Variants in SLC44A4 observed in about 807,000 individuals in gnomAD.
SLC44A4 encodes the protein choline transporter-like protein 4.
Under a neutral mutation model 97.0 loss-of-function variants are expected in SLC44A4, and 74 were observed. The observed-to-expected ratio is 0.76, with a 90% confidence interval of 0.63 to 0.93. The LOEUF (loss-of-function observed/expected upper bound fraction) is 0.93, where lower values mean the gene tolerates loss of function less well. Among genes scored for constraint, SLC44A4 ranks in the 40% least tolerant of loss-of-function variants. The pLI is 0.00. For missense variants in SLC44A4, 799 were observed against 902.9 expected (o/e 0.88, Z 1.48); for synonymous variants, 325 against 363.8 (o/e 0.89, Z 1.21).
chr6:31,874,373 T>G lies in SLC44A4; in HGVS notation c.529+87A>C. Reference sequence around the variant, plus strand: ...TTTTGCCACCAACAAGCTATGTGACTTCACTCTCTCTGGGCCTGATTTCTT... The same window carrying G: ...TTTTGCCACCAACAAGCTATGTGACGTCACTCTCTCTGGGCCTGATTTCTT... On this transcript the variant is annotated intron_variant, in intron 7 of 20. Transcript: ENST00000229729. This position sits in a 1 kb window ranked among gnomAD's most constrained non-coding sequence, Gnocchi z 4.8. 1.4e-6 allele frequency: 2 copies of G among 1,475,240 alleles called. No individual in the cohort carries two copies. The highest frequency in any genetic ancestry group is 1.9e-6 in the Non-Finnish European group (2 of 1,061,106). The allele number at this position is 1,475,240 out of a possible 1,614,324, so 91.4% of individuals were successfully genotyped here.
chr6:31,871,287 C>T (rs1471588431), intron 9 of SLC44A4, 27 bp downstream of exon 9: 5 of 1,602,368 alleles, frequency 3.1e-6, no homozygotes, highest in Non-Finnish European at 4.3e-6. Context: ...GGCAAGGACA[C>T]AAGAGGAGGG....
At chr6:31,875,553 C>G (rs1051233532) in intron 4 of SLC44A4, among the ~76,000 whole-genome samples, 1 of 152,240 alleles carries the variant, frequency 6.6e-6, no homozygotes, top group African/African-American at 2.4e-5. Flanking sequence ...CAAGGCCACA[C>G]AACCAAAACT....
In SLC44A4 at chr6:31,876,112, A is replaced by G. The variant is rs1403119151; in HGVS notation, c.107T>C (p.Ile36Thr). 2 of 1,613,958 alleles carry G rather than the reference A, an allele frequency of 1.2e-6. No homozygotes were observed. The highest frequency in any genetic ancestry group is 1.3e-5 in the African/African-American group (1 of 75,044). Residue 36 changes from isoleucine (I) to threonine (T), a missense_variant, in exon 3 of 21, where the codon ATC (isoleucine) becomes ACC (threonine). Ile to Thr is a moderately conservative substitution (Grantham distance 89). This residue lies in a region of SLC44A4 where 409 missense variants were observed against 434.1 expected (regional missense o/e 0.94). Coordinates refer to ENST00000229729, the MANE Select transcript of SLC44A4 (RefSeq NM_025257.3). The surrounding 1 kb of genome is among the most constrained non-coding windows in gnomAD (Gnocchi z 4.8). Reference protein sequence around the residue: ...PIKNRSCTDVICCVLFLLFIL... With the variant: ...PIKNRSCTDVTCCVLFLLFIL... ...GAAGAGCAGGAAGAGGACGCAGCAGATGACATCTGTGCAGCTTCTGAGAGA... is the reference window on the plus strand; with the variant it reads ...GAAGAGCAGGAAGAGGACGCAGCAGGTGACATCTGTGCAGCTTCTGAGAGA...
In SLC44A4 at chr6:31,877,188, G is replaced by C; in HGVS notation, c.41-106C>G. ...CCTACCCAGGCCTCAGGTGTTTGGA[G>C]GGAGATGGGCTAGGGCAGGACTGGC... On this transcript the variant is annotated intron_variant, in intron 1 of 20. Coordinates refer to ENST00000229729, the MANE Select transcript of SLC44A4 (RefSeq NM_025257.3). The surrounding 1 kb of genome is among the most constrained non-coding windows in gnomAD (Gnocchi z 6.5). 8.4e-7 allele frequency: 1 copy of C among 1,193,730 alleles called. No individual in the cohort carries two copies. The highest frequency in any genetic ancestry group is 2.5e-5 in the East Asian group (1 of 39,994). The allele number at this position is 1,193,730 out of a possible 1,614,324, so 73.9% of individuals were successfully genotyped here.
Position 31,865,437 on chromosome 6 carries a change from A to G in SLC44A4, c.1687-49T>C. On this transcript the variant is annotated intron_variant, in intron 16 of 20. Transcript: ENST00000229729. This position sits in a 1 kb window ranked among gnomAD's most constrained non-coding sequence, Gnocchi z 5.2. ...GTTACCAAGGCGAGCTGCCTGGACC[A>G]GGATGGGGGTGTCTAGACCAAAGGG... 6.2e-7 allele frequency: 1 copy of G among 1,612,546 alleles called. No homozygotes were observed. Among genetic ancestry groups the G allele is most frequent in the Non-Finnish European group, 8.5e-7 (1 of 1,178,558 alleles).
At chr6:31,864,631 G>T (rs1424211812) in intron 20 of SLC44A4, 21 bp downstream of exon 20, 4 of 1,610,710 alleles carry the variant, frequency 2.5e-6, no homozygotes, top group African/African-American at 2.7e-5. Context: ...TTGGGGACAG[G>T]TGGCTGGGGG....
chr6:31,864,564 G>T, intron 20 of SLC44A4, 88 bp downstream of exon 20: 1 of 1,253,098 alleles, frequency 8.0e-7, no homozygotes, highest in Non-Finnish European at 1.2e-6. Flanking sequence ...ATTGTTTCTA[G>T]AAGCACCAAA....
chr6:31,878,633 C>T lies in SLC44A4; in HGVS notation c.40+308G>A, dbSNP rs190754036. Among the ~76,000 whole-genome samples the T allele has an allele frequency of 6.6e-6, 1 of 152,204 alleles. No homozygotes were observed. Among genetic ancestry groups the T allele is most frequent in the Admixed American group, 6.5e-5 (1 of 15,284 alleles). ...TCCATCTCGGCTTTGTTTCCTAGGG[C>T]CCTGCCCTTAGGGACCCAGAGTCCA... is the stretch of plus-strand genomic sequence containing the variant. On this transcript the variant is annotated intron_variant, in intron 1 of 20. Transcript: ENST00000229729. The surrounding 1 kb of genome is among the most constrained non-coding windows in gnomAD (Gnocchi z 4.0).
intron 7 of SLC44A4, among the ~76,000 whole-genome samples, chr6:31,873,422 A>G (rs926220415): frequency 2.6e-5 from 4 of 152,084 alleles, no homozygotes; most frequent in Non-Finnish European, 2.9e-5. Context: ...ATCTCAGGTG[A>G]TCTGCCTGCC....
chr6:31,875,095 AG>A, intron 4 of SLC44A4, 67 bp from the exon 5 acceptor site: 3 of 1,301,462 alleles, frequency 2.3e-6, no homozygotes, highest in Non-Finnish European at 3.3e-6. Context: ...AGGGACCACT[AG>A]GGTGGCTTCT....
chr6:31,873,426 G>A lies in SLC44A4; in HGVS notation c.529+1034C>T, dbSNP rs192741093. Among the ~76,000 whole-genome samples the A allele has an allele frequency of 9.5e-3, 1,447 of 152,138 alleles. 12 individuals are homozygous for A. Among genetic ancestry groups the A allele is most frequent in the Non-Finnish European group, 0.015 (1,029 of 67,986 alleles). On this transcript the variant is annotated intron_variant, in intron 7 of 20. Coordinates refer to ENST00000229729, the MANE Select transcript of SLC44A4 (RefSeq NM_025257.3). ...TCGAACTCCTGATCTCAGGTGATCT[G>A]CCTGCCTCAGCCTCCCAAAGTGCTA...
chr6:31,876,430 C>T lies in SLC44A4; in HGVS notation c.90-301G>A, dbSNP rs567844371. On this transcript the variant is annotated intron_variant, in intron 2 of 20. Transcript: ENST00000229729. This position sits in a 1 kb window ranked among gnomAD's most constrained non-coding sequence, Gnocchi z 4.8. Reference sequence around the variant, plus strand: ...ATTACAGGCGCGTGCCACTACTGCCCGGCTAATTTTTTTTAAATATTTTAT... The same window carrying T: ...ATTACAGGCGCGTGCCACTACTGCCTGGCTAATTTTTTTTAAATATTTTAT... 6.6e-5 allele frequency among the ~76,000 whole-genome samples: 10 copies of T among 152,116 alleles called. No individual in the cohort carries two copies. Among genetic ancestry groups the T allele is most frequent in the East Asian group, 5.8e-4 (3 of 5,166 alleles).
intron 7 of SLC44A4, among the ~76,000 whole-genome samples, chr6:31,873,096 C>T (rs953976021): frequency 2.0e-5 from 3 of 152,000 alleles, no homozygotes; most frequent in Non-Finnish European, 4.4e-5. Context: ...AGACTAGTCT[C>T]GAACTCCTGA....
Position 31,870,914 on chromosome 6 carries a change from C to T in SLC44A4, c.835G>A (p.Glu279Lys), listed in dbSNP as rs770455356. 3.1e-6 allele frequency: 5 copies of T among 1,613,016 alleles called. No individual in the cohort carries two copies. Among genetic ancestry groups the T allele is most frequent in the East Asian group, 2.2e-5 (1 of 44,878 alleles). The part of the protein sequence containing the change: ...LAYGIYYCWE[E>K]YRVLRDKGAS... ...CCCTTGTCCCGCAGCACTCGGTACT[C>T]CTCCCAGCAGTAGTAGATGCCGTAT... The change falls in exon 10 of 21, where the codon GAG becomes AAG. Residue 279 changes from glutamate (E) to lysine (K), a missense_variant. By Grantham distance (56) the Glu-to-Lys change is moderately conservative. This residue lies in a region of SLC44A4 where 409 missense variants were observed against 434.1 expected (regional missense o/e 0.94). Transcript: ENST00000229729.
In SLC44A4 at chr6:31,877,481, C is replaced by T. The variant is rs189182101; in HGVS notation, c.41-399G>A. 262 of 500,806 alleles carry T rather than the reference C, an allele frequency of 5.2e-4. 2 individuals carry two copies. In the Admixed American group the frequency reaches 8.0e-3, roughly 15 times the overall value. The allele number at this position is 500,806 out of a possible 1,614,324, so 31.0% of individuals were successfully genotyped here. A position where few individuals can be genotyped will look rare whatever the true frequency, so the allele number is the denominator to read the frequency against. ...TTCTCATCCCTGCCTCCTCCCTAAT[C>T]CCTCCCCAGGGACCACACAGACCCA... On this transcript the variant is annotated intron_variant, in intron 1 of 20. Coordinates refer to ENST00000229729, the MANE Select transcript of SLC44A4 (RefSeq NM_025257.3). The surrounding 1 kb of genome is among the most constrained non-coding windows in gnomAD (Gnocchi z 6.5).
chr6:31,870,217 C>T (rs1763083544), intron 11 of SLC44A4, among the ~76,000 whole-genome samples: 1 of 152,120 alleles, frequency 6.6e-6, no homozygotes, highest in South Asian at 2.1e-4. Flanking sequence ...GGGGCAGCTT[C>T]GGGTGGAGTA....
At chr6:31,875,064 G>T in intron 4 of SLC44A4, 36 bp from the exon 5 acceptor site, 1 of 1,556,116 alleles carries the variant, frequency 6.4e-7, no homozygotes. Flanking sequence ...ATCAGGGCCT[G>T]GTCAGGTGTT....
chr6:31,863,274 G>C lies in SLC44A4; in HGVS notation c.*353C>G. 4.0e-6 allele frequency: 1 copy of C among 250,186 alleles called. No homozygotes were observed. The highest frequency in any genetic ancestry group is 6.8e-5 in the South Asian group (1 of 14,698). 15.5% of individuals were successfully genotyped at this position (250,186 alleles called of 1,614,324 possible). On this transcript the variant is annotated 3_prime_UTR_variant, in exon 21 of 21. Transcript: ENST00000229729. Reference sequence around the variant, plus strand: ...GGAGACAGAGTCTGTCACCCAGGTTGGAGTGCAGTGGCGCGATCTCGGCTC... The same window carrying C: ...GGAGACAGAGTCTGTCACCCAGGTTCGAGTGCAGTGGCGCGATCTCGGCTC...
rs1011393503 is a variant in SLC44A4, at chr6:31,876,416, G to A, written c.90-287C>T. On this transcript the variant is annotated intron_variant, in intron 2 of 20. Coordinates refer to ENST00000229729, the MANE Select transcript of SLC44A4 (RefSeq NM_025257.3). This position sits in a 1 kb window ranked among gnomAD's most constrained non-coding sequence, Gnocchi z 4.8. ...CCCGAGTAGCTGGGATTACAGGCGC[G>A]TGCCACTACTGCCCGGCTAATTTTT... Among the ~76,000 whole-genome samples the A allele has an allele frequency of 1.3e-5, 2 of 152,006 alleles. No individual in the cohort carries two copies. Among genetic ancestry groups the A allele is most frequent in the Admixed American group, 6.6e-5 (1 of 15,260 alleles).
Sources: allele counts gnomAD v4.1 joint callset (sites outside exome capture counted in the v4.1 genomes callset), GRCh38; gene constraint gnomAD v4.1.1; regional missense constraint gnomAD v4.1.1; non-coding constraint Gnocchi (gnomAD v3.1); transcripts MANE v1.5; gene names NCBI Gene and HGNC (gene_info 2026-07-23, HGNC 2026-07-21).